The following CIT variants were observed in gnomAD, a reference collection of about 807,000 sequenced individuals.
The protein encoded by CIT is citron Rho-interacting kinase.
Under a neutral mutation model 272.7 loss-of-function variants are expected in CIT, and 79 were observed. That is an observed-to-expected ratio of 0.29 (90% confidence interval 0.24 to 0.35). The LOEUF is 0.35. Ranked by LOEUF, CIT falls within the 10% of genes least tolerant of loss-of-function variation. The pLI, the probability that CIT is intolerant of heterozygous loss-of-function variation, is 1.00. For synonymous variants in CIT, 948 were observed against 995.6 expected (o/e 0.95, Z 0.90); for missense variants, 1,909 against 2,618.3 (o/e 0.73, Z 5.91).
intron 17 of CIT, among the ~76,000 whole-genome samples, chr12:119,771,809 G>A (rs770302979): frequency 3.3e-5 from 5 of 152,154 alleles, no homozygotes; most frequent in Non-Finnish European, 7.3e-5. Context: ...GAGACGTATG[G>A]CTGCATTTAT....
intron 26 of CIT, among the ~76,000 whole-genome samples, chr12:119,730,858 T>A (rs1958398442): frequency 6.6e-6 from 1 of 152,228 alleles, no homozygotes; most frequent in Non-Finnish European, 1.5e-5. Flanking sequence ...CCAGGCACGG[T>A]GGCTCATGCC....
chr12:119,872,569 G>A (rs1315938702), intron 2 of CIT, among the ~76,000 whole-genome samples: 1 of 152,152 alleles, frequency 6.6e-6, no homozygotes, highest in East Asian at 1.9e-4. Context: ...AAAAAGAGAT[G>A]AACTGAGGGT....
intron 7 of CIT, among the ~76,000 whole-genome samples, chr12:119,827,630 G>C (rs1449942736): frequency 6.6e-6 from 1 of 152,030 alleles, no homozygotes; most frequent in African/African-American, 2.4e-5. Flanking sequence ...TAGAGACGGG[G>C]TTTCACTATG....
chr12:119,728,454 A>T lies in CIT; in HGVS notation c.3591+48T>A. 7.9e-7 allele frequency: 1 copy of T among 1,272,896 alleles called. No individual in the cohort carries two copies. Among genetic ancestry groups the T allele is most frequent in the Non-Finnish European group, 1.1e-6 (1 of 896,210 alleles). The allele number at this position is 1,272,896 out of a possible 1,614,324, so 78.9% of individuals were successfully genotyped here. ...CTCCAAAAAAAAGAAGCCTATTAAAAGAAAAAAAAAATCCACTTGGCCCTT... is the reference window on the plus strand; with the variant it reads ...CTCCAAAAAAAAGAAGCCTATTAAATGAAAAAAAAAATCCACTTGGCCCTT... On this transcript the variant is annotated intron_variant, in intron 28 of 47. Transcript: ENST00000392521. The surrounding 1 kb of genome is among the most constrained non-coding windows in gnomAD (Gnocchi z 4.3).
chr12:119,761,157 G>A, intron 19 of CIT, 102 bp from the exon 20 acceptor site: 1 of 914,684 alleles, frequency 1.1e-6, no homozygotes, highest in Non-Finnish European at 1.8e-6. Flanking sequence ...GAGAAAAGCA[G>A]GGGAGAGGCC....
At chr12:119,709,707 G>A (rs1415356294) in intron 39 of CIT, among the ~76,000 whole-genome samples, 5 of 151,022 alleles carry the variant, frequency 3.3e-5, no homozygotes, top group Non-Finnish European at 7.4e-5. Context: ...TCCTTAGGTT[G>A]ATATACTGAA....
intron 46 of CIT, among the ~76,000 whole-genome samples, chr12:119,693,622 C>T (rs74490194): frequency 0.038 from 5,747 of 152,256 alleles, 178 homozygotes; most frequent in African/African-American, 0.079. Context: ...AAGATCTAGA[C>T]ATTTTCAGGG....
Position 119,774,191 on chromosome 12 carries a change from C to T in CIT, c.1942-1281G>A, listed in dbSNP as rs139358455. ...GAGTTTCAGTGTAACAAGACAAAAA[C>T]GTTCCAGAGATTCATTGCCCAGTAA... On this transcript the variant is annotated intron_variant, in intron 16 of 47. Coordinates refer to ENST00000392521, the MANE Select transcript of CIT (RefSeq NM_001206999.2). Among the ~76,000 whole-genome samples, 181 of 152,166 alleles carry T rather than the reference C, an allele frequency of 1.2e-3. 1 individual carries two copies. Among genetic ancestry groups the T allele is most frequent in the African/African-American group, 4.2e-3 (174 of 41,524 alleles).
intron 9 of CIT, among the ~76,000 whole-genome samples, chr12:119,807,346 G>A (rs1450064190): frequency 2.6e-5 from 4 of 152,216 alleles, no homozygotes; most frequent in Non-Finnish European, 4.4e-5. Context: ...TTTAAGGATT[G>A]TGTAAAATCT....
chr12:119,754,962 T>C (rs779510279), intron 22 of CIT, among the ~76,000 whole-genome samples: 22 of 152,102 alleles, frequency 1.4e-4, no homozygotes, highest in Admixed American at 3.9e-4. Context: ...GAGAAGTCCA[T>C]CTGGATTGTT....
chr12:119,856,540 AACACACACACACACCC>A (rs1443746344), intron 4 of CIT, among the ~76,000 whole-genome samples: 4 of 151,526 alleles, frequency 2.6e-5, no homozygotes, highest in African/African-American at 9.7e-5. Context: ...TGAACCACTG[AACACACACACACACCC>A]ACACACACAC....
chr12:119,698,782 A>G (rs954001904), intron 44 of CIT, among the ~76,000 whole-genome samples: 6 of 152,128 alleles, frequency 3.9e-5, no homozygotes, highest in Admixed American at 2.0e-4. Flanking sequence ...AAGAATATAT[A>G]TATTTTATGT....
intron 29 of CIT, 60 bp from the exon 30 acceptor site, chr12:119,720,645 G>C (rs1957774898): frequency 2.4e-6 from 3 of 1,269,210 alleles, no homozygotes; most frequent in African/African-American, 1.5e-5. Context: ...TTTAAAGTTG[G>C]TACTTTAAGA....
At chr12:119,763,165 A>G (rs1244557989) in intron 19 of CIT, among the ~76,000 whole-genome samples, 2 of 152,232 alleles carry the variant, frequency 1.3e-5, no homozygotes, top group Non-Finnish European at 2.9e-5. Context: ...TTTATTTGAA[A>G]TAAGAGATTC....
In CIT at chr12:119,723,872, C is replaced by T. The variant is rs889055134; in HGVS notation, c.3592-2423G>A. Among the ~76,000 whole-genome samples, 10 of 152,132 alleles carry T rather than the reference C, an allele frequency of 6.6e-5. 1 individual carries two copies. Among genetic ancestry groups the T allele is most frequent in the East Asian group, 1.9e-4 (1 of 5,200 alleles). ...AGAGGTTTAGAGCCCAGTATGGAGA[C>T]GGAAAGATCCCAATGTATTCAGTGC... is the stretch of plus-strand genomic sequence containing the variant. On this transcript the variant is annotated intron_variant, in intron 28 of 47. Transcript: ENST00000392521.
chr12:119,808,020 T>TTTTTTG (rs924851911), intron 9 of CIT, among the ~76,000 whole-genome samples: 7 of 152,180 alleles, frequency 4.6e-5, no homozygotes, highest in South Asian at 2.1e-4. Flanking sequence ...CTTGAGGTTG[T>TTTTTTG]TTTTTGTTTT....
chr12:119,825,339 T>C lies in CIT; in HGVS notation c.783A>G (p.Pro261=), dbSNP rs771973537. The C allele has an allele frequency of 1.2e-5, 19 of 1,613,956 alleles. No individual in the cohort carries two copies. The highest frequency in any genetic ancestry group is 1.6e-5 in the Non-Finnish European group (19 of 1,180,020). ...TCAGCACTTCAGGAGCCATGTAATCTGGGGTCCCAATCGGGAGTTTGGCAT... is the reference window on the plus strand; with the variant it reads ...TCAGCACTTCAGGAGCCATGTAATCCGGGGTCCCAATCGGGAGTTTGGCAT... ...MVNAKLPIGT[P]DYMAPEVLTV... is the part of the protein sequence containing the mutation. The change falls in exon 8 of 48, where the codon CCA becomes CCG. Residue 261 remains proline (P), a synonymous_variant. Coordinates refer to ENST00000392521, the MANE Select transcript of CIT (RefSeq NM_001206999.2).
chr12:119,831,825 G>A (rs1444341823), intron 7 of CIT, among the ~76,000 whole-genome samples: 1 of 152,070 alleles, frequency 6.6e-6, no homozygotes, highest in Non-Finnish European at 1.5e-5. Context: ...AGCCGAGATC[G>A]CGCCACTGCA....
At chr12:119,706,168 C>T (rs577927772) in intron 40 of CIT, among the ~76,000 whole-genome samples, 26 of 151,754 alleles carry the variant, frequency 1.7e-4, no homozygotes, top group Admixed American at 1.0e-3. Flanking sequence ...GGTCAAAATG[C>T]GATGGTTTTC....
Sources: gnomAD v4.1 joint callset for allele counts (sites outside exome capture counted in the v4.1 genomes callset) on GRCh38, gnomAD v4.1.1 for gene constraint, Gnocchi (gnomAD v3.1) non-coding constraint, MANE v1.5 for transcripts, NCBI Gene and HGNC (gene_info 2026-07-23, HGNC 2026-07-21) for gene names.